FAM186B: variants seen among roughly 807,000 people sequenced by gnomAD.
FAM186B encodes family with sequence similarity 186 member B.
A neutral mutation model predicts 83.4 loss-of-function variants in FAM186B; 68 were observed. The ratio of observed to expected loss-of-function variants is 0.81; its 90% CI spans 0.67 to 1.00. The LOEUF (loss-of-function observed/expected upper bound fraction) is 1.00, where lower values mean the gene tolerates loss of function less well. FAM186B is among the 50% of genes least tolerant of loss of function. The pLI is 0.00. For missense variants in FAM186B, 983 were observed against 1,099.2 expected (o/e 0.89, Z 1.49); for synonymous variants, 389 against 422.0 (o/e 0.92, Z 0.96).
chr12:49,607,753 G>A (rs1258989267), upstream of FAM186B, among the ~76,000 whole-genome samples: 1 of 152,144 alleles, frequency 6.6e-6, no homozygotes, highest in African/African-American at 2.4e-5. Context: ...AGGCCAGAGT[G>A]CAGTGGCGTG....
the FAM186B span, among the ~76,000 whole-genome samples, chr12:49,620,870 G>A: frequency 6.6e-6 from 1 of 152,048 alleles, no homozygotes; most frequent in East Asian, 1.9e-4. Flanking sequence ...ACCTATAATG[G>A]AATTAATGAT....
chr12:49,584,490 T>G (rs1939398749), downstream of FAM186B: 3 of 702,286 alleles, frequency 4.3e-6, no homozygotes, highest in Admixed American at 6.0e-5. Context: ...CAGTGGAGAC[T>G]GGGGCTGTCT....
In FAM186B at chr12:49,596,844, TACTC is replaced by T. The variant is rs1480232828; in HGVS notation, c.2364+1907_2364+1910del. ...TGGACTCCCATGTCCATTGCAGTATTACTCACAGTAGCCAAGATATGGAAACAAC... is the reference window on the plus strand; with the variant it reads ...TGGACTCCCATGTCCATTGCAGTATTACAGTAGCCAAGATATGGAAACAAC... On this transcript the variant is annotated intron_variant, in intron 5 of 6. Transcript: ENST00000257894. Among the ~76,000 whole-genome samples, 4 of 152,298 alleles carry T rather than the reference TACTC, an allele frequency of 2.6e-5. No individual in the cohort carries two copies. The East Asian group carries it at 5.8e-4, about 22-fold the overall frequency.
downstream of FAM186B, among the ~76,000 whole-genome samples, chr12:49,586,443 CCT>C (rs1939444580): frequency 6.6e-6 from 1 of 152,214 alleles, no homozygotes; most frequent in Admixed American, 6.5e-5. Flanking sequence ...GGTGCATACC[CCT>C]GATATTTATA....
In FAM186B at chr12:49,599,952, G is replaced by A; in HGVS notation, c.1688C>T (p.Thr563Ile). 1 of 1,613,956 alleles carries A rather than the reference G, an allele frequency of 6.2e-7. No homozygotes were observed. The highest frequency in any genetic ancestry group is 8.5e-7 in the Non-Finnish European group (1 of 1,179,962). The change falls in exon 4 of 7, where the codon ACC becomes ATC. Residue 563 changes from threonine to isoleucine, a missense_variant. Thr to Ile is a moderately conservative substitution (Grantham distance 89). Transcript: ENST00000257894. ...CTTCTCCAAGTCCCTCCATCGACTG[G>A]TGGGTGTGAAGATCCTCCTCTCCAC... ...EDVERRIFTPTSRWRDLEKAE... is the reference protein window; with the variant it reads ...EDVERRIFTPISRWRDLEKAE...
In FAM186B at chr12:49,587,757, G is replaced by A. The variant is rs747438653; in HGVS notation, c.2535-5C>T. The A allele has an allele frequency of 6.2e-7, 1 of 1,609,766 alleles. No homozygotes were observed. The highest frequency in any genetic ancestry group is 1.3e-5 in the African/African-American group (1 of 74,654). ...TCCATCTGCTTCCCCTGTTGGCTGG[G>A]AGTGGGGAGTTTGGAGAATGTGAAA... On this transcript the variant is annotated splice_region_variant and splice_polypyrimidine_tract_variant and intron_variant, in intron 6 of 6. Coordinates refer to ENST00000257894, the MANE Select transcript of FAM186B (RefSeq NM_032130.3).
downstream of FAM186B, among the ~76,000 whole-genome samples, chr12:49,587,182 A>G (rs1473717200): frequency 6.6e-6 from 1 of 151,888 alleles, no homozygotes; most frequent in African/African-American, 2.4e-5. Context: ...GTTCTTGAAG[A>G]TAGTAAGGAA....
chr12:49,618,206 G>C, the FAM186B span, among the ~76,000 whole-genome samples: 1 of 152,110 alleles, frequency 6.6e-6, no homozygotes, highest in Non-Finnish European at 1.5e-5. Context: ...TTAGCCGGGC[G>C]TGTTGGCACG....
intron 5 of FAM186B, among the ~76,000 whole-genome samples, chr12:49,596,205 C>T (rs1003033348): frequency 2.0e-5 from 3 of 150,062 alleles, no homozygotes; most frequent in African/African-American, 7.4e-5. Flanking sequence ...CTGTACATTT[C>T]TTTTTTTTAA....
the FAM186B span, chr12:49,619,516 CAT>C: frequency 2.3e-4 from 162 of 701,006 alleles, 1 homozygote; most frequent in South Asian, 1.4e-3. Context: ...ATCTGATCCA[CAT>C]GTGTGTGGCA....
At chr12:49,588,207 G>T (rs1019101735) in intron 6 of FAM186B, among the ~76,000 whole-genome samples, 23 of 152,212 alleles carry the variant, frequency 1.5e-4, no homozygotes, top group Admixed American at 1.0e-3. Context: ...GAGTCTTTCC[G>T]TCGCATAGTT....
At chr12:49,607,837 C>T (rs1940051234), upstream of FAM186B, among the ~76,000 whole-genome samples, 1 of 152,014 alleles carries the variant, frequency 6.6e-6, no homozygotes, top group African/African-American at 2.4e-5. Context: ...GCAGCTGAGA[C>T]TACAGGTGCG....
chr12:49,593,656 G>A lies in FAM186B; in HGVS notation c.2365-5033C>T, dbSNP rs11169084. ...TCAAAAAAAAAAAAAAGAAAAGAAA[G>A]AGGGCCATTTCATAAGGATAAAAGT... is the stretch of plus-strand genomic sequence containing the variant. On this transcript the variant is annotated intron_variant, in intron 5 of 6. Coordinates refer to ENST00000257894, the MANE Select transcript of FAM186B (RefSeq NM_032130.3). Among the ~76,000 whole-genome samples, 622 of 141,362 alleles carry A rather than the reference G, an allele frequency of 4.4e-3. 1 individual carries two copies. The highest frequency in any genetic ancestry group is 0.018 in the African/African-American group (601 of 34,328). The allele number at this position is 141,362 out of a possible 152,430, so 92.7% of individuals were successfully genotyped here. A position where few individuals can be genotyped will look rare whatever the true frequency, so the allele number is the denominator to read the frequency against.
At chr12:49,610,620 C>T (rs1940074340), upstream of FAM186B, among the ~76,000 whole-genome samples, 2 of 151,894 alleles carry the variant, frequency 1.3e-5, no homozygotes. Flanking sequence ...GAAACCCCGT[C>T]TCTACTAAAA....
chr12:49,614,285 GCCATT>G, the FAM186B span, among the ~76,000 whole-genome samples: 2 of 152,110 alleles, frequency 1.3e-5, no homozygotes, highest in Admixed American at 6.5e-5. Context: ...CCATCACAGT[GCCATT>G]CACAATAGCA....
At chr12:49,612,529 ATG>A in the FAM186B span, among the ~76,000 whole-genome samples, 4,681 of 151,176 alleles carry the variant, frequency 0.031, 100 homozygotes, top group Middle Eastern at 0.078. Flanking sequence ...AGGTTTTTTT[ATG>A]TGTGTTTTTT....
rs1315921521 is a variant in FAM186B at position 49,599,817 on chromosome 12, T to C, written c.1823A>G (p.Gln608Arg). Residue 608 changes from glutamine to arginine, a missense_variant, in exon 4 of 7, where the codon CAG (glutamine) becomes CGG (arginine). Coordinates refer to ENST00000257894, the MANE Select transcript of FAM186B (RefSeq NM_032130.3). ...AAACTCCACTGAACTCATAGGTCTC[T>C]GCTTTCCCAGGGCAGGCTGCTGGGT... The part of the protein sequence containing the change: ...PSTQQPALGK[Q>R]RPMSSVEFTY... 8 of 1,612,542 alleles carry C rather than the reference T, an allele frequency of 5.0e-6. No individual in the cohort carries two copies. The East Asian group carries it at 1.6e-4, about 31-fold the overall frequency.
chr12:49,589,740 T>C (rs938405993), intron 5 of FAM186B, among the ~76,000 whole-genome samples: 7 of 152,020 alleles, frequency 4.6e-5, no homozygotes, highest in African/African-American at 1.4e-4. Flanking sequence ...CCCAGCACTT[T>C]AGGAAGCCAA....
upstream of FAM186B, chr12:49,605,758 C>T (rs11169089): frequency 0.2 from 30,194 of 150,544 alleles, 5,205 homozygotes; most frequent in African/African-American, 0.51. Flanking sequence ...GTTGCCTTTT[C>T]TTTTTTTTTT....
Sources: gnomAD v4.1 joint callset for allele counts (sites outside exome capture counted in the v4.1 genomes callset) on GRCh38, gnomAD v4.1.1 for gene constraint, MANE v1.5 for transcripts, NCBI Gene and HGNC (gene_info 2026-07-23, HGNC 2026-07-21) for gene names.